Variants in TLE1 observed in about 807,000 individuals in gnomAD.
The protein encoded by TLE1 is TLE family member 1, transcriptional corepressor.
TLE1 carries 21 observed loss-of-function variants against 89.8 expected under a neutral mutation model. The observed-to-expected ratio is 0.23, with a 90% CI of 0.17 to 0.34. The LOEUF is 0.34. Among genes scored for constraint, TLE1 ranks in the 10% least tolerant of loss-of-function variants. The pLI, the probability that TLE1 is intolerant of heterozygous loss-of-function variation, is 1.00. For missense variants in TLE1, 795 were observed against 1,031.2 expected (o/e 0.77, Z 3.14); for synonymous variants, 447 against 407.6 (o/e 1.10, Z -1.16).
At chr9:81,599,809 T>C (rs1486335961) in intron 14 of TLE1, 1 of 340,254 alleles carries the variant, frequency 2.9e-6, no homozygotes, top group East Asian at 4.3e-5. Context: ...AACGGAGGGC[T>C]TTATTAACAA....
At chr9:81,616,191 C>G (rs1408911957) in intron 10 of TLE1, 57 bp from the exon 11 acceptor site, 4 of 1,548,130 alleles carry the variant, frequency 2.6e-6, no homozygotes, top group Non-Finnish European at 3.5e-6. Flanking sequence ...CAGACTTTTC[C>G]CTTTCCACAC....
At chr9:81,632,976 G>A (rs1195902608) in intron 8 of TLE1, among the ~76,000 whole-genome samples, 1 of 152,158 alleles carries the variant, frequency 6.6e-6, no homozygotes. Context: ...ATATAAAAAT[G>A]AATATTCTTT....
At chr9:81,685,998 A>G in intron 2 of TLE1, 102 bp from the exon 3 acceptor site, 1 of 1,271,390 alleles carries the variant, frequency 7.9e-7, no homozygotes, top group Non-Finnish European at 1.1e-6. Flanking sequence ...ACCAATTTGG[A>G]AAAGCCATAA....
At chr9:81,588,987 C>T (rs897752024) in intron 16 of TLE1, among the ~76,000 whole-genome samples, 1 of 152,180 alleles carries the variant, frequency 6.6e-6, no homozygotes, top group African/African-American at 2.4e-5. Flanking sequence ...CGTGAACCAT[C>T]ACTTTTAAAA....
chr9:81,633,462 C>T, intron 7 of TLE1, 98 bp from the exon 8 acceptor site: 1 of 1,575,168 alleles, frequency 6.3e-7, no homozygotes, highest in Non-Finnish European at 8.7e-7. Context: ...AGAACACAAG[C>T]CCCAAACAGT....
chr9:81,643,425 G>A (rs967662060), intron 6 of TLE1, among the ~76,000 whole-genome samples: 4 of 151,836 alleles, frequency 2.6e-5, no homozygotes, highest in Non-Finnish European at 4.4e-5. Flanking sequence ...TAGTAGAGAT[G>A]GGGTTTCTCC....
rs541653795 is a variant in TLE1, at chr9:81,678,807, T to A, written c.234+6869A>T. ...GTGAGCCGAGATCGAGCCACTGCAC[T>A]CCAGCCTGGATGACAGAGCAAGACT... On this transcript the variant is annotated intron_variant, in intron 4 of 19. Transcript: ENST00000376499. Among the ~76,000 whole-genome samples, 8 of 150,616 alleles carry A rather than the reference T, an allele frequency of 5.3e-5. No homozygotes were observed. The South Asian group carries it at 1.7e-3, about 32-fold the overall frequency.
chr9:81,659,379 G>C (rs1431406646), intron 4 of TLE1, among the ~76,000 whole-genome samples: 1 of 152,078 alleles, frequency 6.6e-6, no homozygotes, highest in Non-Finnish European at 1.5e-5. Context: ...ACCCAATGAT[G>C]AATACCTATT....
intron 4 of TLE1, among the ~76,000 whole-genome samples, chr9:81,675,718 T>C (rs551468354): frequency 6.7e-6 from 1 of 149,966 alleles, no homozygotes; most frequent in East Asian, 1.9e-4. Context: ...GTTTTTTTTT[T>C]TGAGACGGAG....
intron 14 of TLE1, among the ~76,000 whole-genome samples, chr9:81,607,496 G>A (rs185940772): frequency 9.3e-4 from 141 of 152,244 alleles, no homozygotes; most frequent in African/African-American, 3.0e-3. Flanking sequence ...CTGAACACAC[G>A]CCCCGTACCT....
At chr9:81,606,413 C>A (rs899120817) in intron 14 of TLE1, among the ~76,000 whole-genome samples, 1 of 152,132 alleles carries the variant, frequency 6.6e-6, no homozygotes, top group Non-Finnish European at 1.5e-5. Flanking sequence ...AAATGTGGCA[C>A]ATACACACCA....
chr9:81,678,311 A>C (rs2133071009), intron 4 of TLE1, among the ~76,000 whole-genome samples: 1 of 152,322 alleles, frequency 6.6e-6, no homozygotes, highest in East Asian at 1.9e-4. Flanking sequence ...CTGGGATCAA[A>C]AGATCCTCCT....
intron 4 of TLE1, among the ~76,000 whole-genome samples, chr9:81,671,850 G>C (rs1199424840): frequency 6.6e-6 from 1 of 152,176 alleles, no homozygotes; most frequent in Non-Finnish European, 1.5e-5. Context: ...CCTTTGGTCA[G>C]CTAAAAAGTA....
chr9:81,643,242 T>G (rs556330586), intron 6 of TLE1, among the ~76,000 whole-genome samples: 1 of 142,260 alleles, frequency 7.0e-6, no homozygotes, highest in African/African-American at 2.6e-5. Flanking sequence ...TTTTGTTTTT[T>G]GGTTTTTTTT....
chr9:81,665,547 T>C (rs1324722611), intron 4 of TLE1, among the ~76,000 whole-genome samples: 1 of 151,996 alleles, frequency 6.6e-6, no homozygotes, highest in Non-Finnish European at 1.5e-5. Context: ...TGAAGGCTGC[T>C]TGGGCACAGA....
intron 6 of TLE1, 147 bp from the exon 7 acceptor site, chr9:81,634,448 A>T: frequency 1.7e-6 from 1 of 605,248 alleles, no homozygotes. Context: ...AAACACACAA[A>T]AGGAGCCAAG....
intron 4 of TLE1, among the ~76,000 whole-genome samples, chr9:81,660,961 ACACACACACACACACAC>A (rs1274688295): frequency 2.7e-5 from 3 of 109,486 alleles, no homozygotes; most frequent in Non-Finnish European, 4.1e-5. Flanking sequence ...ACACACACAC[ACACACACACACACACAC>A]ATTTAGCCTG....
chr9:81,679,942 TTTTTAG>T (rs1833391400), intron 4 of TLE1, among the ~76,000 whole-genome samples: 1 of 152,214 alleles, frequency 6.6e-6, no homozygotes, highest in Non-Finnish European at 1.5e-5. Flanking sequence ...ACTGAATATA[TTTTTAG>T]TTTAACTACC....
At chr9:81,678,565 A>G (rs999682247) in intron 4 of TLE1, among the ~76,000 whole-genome samples, 8 of 152,158 alleles carry the variant, frequency 5.3e-5, no homozygotes, top group African/African-American at 1.9e-4. Flanking sequence ...TGTTAATTCC[A>G]GCACTTTGGG....
Sources: allele counts gnomAD v4.1 joint callset (sites outside exome capture counted in the v4.1 genomes callset), GRCh38; gene constraint gnomAD v4.1.1; transcripts MANE v1.5; gene names NCBI Gene and HGNC (gene_info 2026-07-23, HGNC 2026-07-21).